Variants in NTRK1 observed in about 807,000 individuals in gnomAD.
NTRK1 encodes the protein high affinity nerve growth factor receptor.
NTRK1 carries 62 observed loss-of-function variants against 86.8 expected under a neutral mutation model. The observed-to-expected ratio is 0.71, with a 90% confidence interval of 0.58 to 0.88. NTRK1 has a LOEUF of 0.88. NTRK1 is among the 40% of genes least tolerant of loss of function. NTRK1 has a pLI of 0.00. For synonymous variants in NTRK1, 469 were observed against 456.6 expected, an observed-to-expected ratio of 1.03 and a Z score of -0.35; for missense variants, 967 against 1,078.4, an observed-to-expected ratio of 0.90 and a Z score of 1.45.
chr1:156,857,157 CTGTGTATGTG>C (rs1426649877), upstream of NTRK1, among the ~76,000 whole-genome samples: 196 of 121,382 alleles, frequency 1.6e-3, no homozygotes, highest in African/African-American at 3.1e-3. Flanking sequence ...TGCCCAGCAG[CTGTGTATGTG>C]TGTGTGTGTG....
Position 156,881,738 on chromosome 1 carries a change from G to A in NTRK1, c.*96G>A, listed in dbSNP as rs886045374. On this transcript the variant is annotated 3_prime_UTR_variant, in exon 17 of 17. Transcript: ENST00000524377. ...CCAGCAGCCCCAGGGTGATCTCAAA[G>A]TATCTAATTCACCCTCAGCATGTGG... The A allele has an allele frequency of 3.8e-5, 48 of 1,261,850 alleles. No homozygotes were observed. The highest frequency in any genetic ancestry group is 4.8e-5 in the Non-Finnish European group (45 of 929,954). 78.2% of individuals were successfully genotyped at this position (1,261,850 alleles called of 1,614,324 possible).
At chr1:156,862,514 G>A (rs1445352187) in intron 1 of NTRK1, among the ~76,000 whole-genome samples, 1 of 152,154 alleles carries the variant, frequency 6.6e-6, no homozygotes, top group Non-Finnish European at 1.5e-5. Flanking sequence ...GAGTGGACAG[G>A]CCAGAACTGG....
At chr1:156,852,102 G>T (rs1303612751) in intron 2 of NTRK1, 1 of 1,613,626 alleles carries the variant, frequency 6.2e-7, no homozygotes, top group Non-Finnish European at 8.5e-7. Context: ...CAGGCACGAG[G>T]GTCTTCTGGC....
At chr1:156,877,801 G>A (rs985711207) in intron 14 of NTRK1, among the ~76,000 whole-genome samples, 6 of 152,200 alleles carry the variant, frequency 3.9e-5, no homozygotes, top group Admixed American at 6.5e-5. Flanking sequence ...GGTCATTCAT[G>A]CAGTCAGGCT....
Position 156,849,502 on chromosome 1 carries a change from G to A in NTRK1, c.50+7309G>A, listed in dbSNP as rs1445605370. On this transcript the variant is annotated intron_variant, in intron 2 of 16. Transcript: ENST00000392302. Reference sequence around the variant, plus strand: ...GACCTTGCTCTGCGGGGAGGTGGGGGCAGGGGGTGGGAAAGGGGATGGCTT... The same window carrying A: ...GACCTTGCTCTGCGGGGAGGTGGGGACAGGGGGTGGGAAAGGGGATGGCTT... 7 of 934,008 alleles carry A rather than the reference G, an allele frequency of 7.5e-6. No individual in the cohort carries two copies. The African/African-American group carries it at 1.2e-4, about 16-fold the overall frequency. 57.9% of individuals were successfully genotyped at this position (934,008 alleles called of 1,614,324 possible).
upstream of NTRK1, chr1:156,858,959 C>T (rs1168703774): frequency 3.5e-6 from 1 of 287,906 alleles, no homozygotes; most frequent in African/African-American, 2.1e-5. Context: ...GCCGAGAGGC[C>T]AGCCAACCCT....
In NTRK1 at chr1:156,873,650, C is replaced by A. The variant is rs1302157222; in HGVS notation, c.868C>A (p.Leu290Met). The change falls in exon 8 of 17, where the codon CTG (leucine) becomes ATG (methionine). Residue 290 changes from leucine to methionine, a missense_variant. Leu to Met is a conservative substitution (Grantham distance 15, BLOSUM62 2). Around this residue, in one of 2 missense-constraint regions of NTRK1, gnomAD observed 637 missense variants for 776.5 expected, o/e 0.82. Transcript: ENST00000524377. ...GCCCACAGTCCCGGCCAGTGTGCAGCTGCACACGGCGGTGGAGATGCACCA... is the reference window on the plus strand; with the variant it reads ...GCCCACAGTCCCGGCCAGTGTGCAGATGCACACGGCGGTGGAGATGCACCA... ...VNVSFPASVQLHTAVEMHHWC... is the reference protein window; with the variant it reads ...VNVSFPASVQMHTAVEMHHWC... The A allele has an allele frequency of 3.7e-6, 6 of 1,611,014 alleles. No individual in the cohort carries two copies. In the African/African-American group the frequency reaches 8.0e-5, roughly 22 times the overall value.
intron 16 of NTRK1, 152 bp from the exon 17 acceptor site, chr1:156,881,305 G>A: frequency 2.9e-6 from 2 of 678,834 alleles, no homozygotes; most frequent in Non-Finnish European, 4.9e-6. Context: ...GAATCCTGGG[G>A]TTGACTGTGT....
chr1:156,881,489 G>C lies in NTRK1; in HGVS notation c.2238G>C (p.Leu746Phe). Residue 746 changes from leucine to phenylalanine, a missense_variant, in exon 17 of 17, where the codon TTG becomes TTC. Physicochemically the swap from Leu to Phe is conservative, Grantham distance 22. Around this residue, in one of 2 missense-constraint regions of NTRK1, gnomAD observed 637 missense variants for 776.5 expected, o/e 0.82. Transcript: ENST00000524377. ...AIDCITQGRE[L>F]ERPRACPPEV... ...ACTGCATCACGCAGGGACGTGAGTT[G>C]GAGCGGCCACGTGCCTGCCCACCAG... 6.3e-7 allele frequency: 1 copy of C among 1,586,166 alleles called. No homozygotes were observed. The highest frequency in any genetic ancestry group is 8.6e-7 in the Non-Finnish European group (1 of 1,166,300).
chr1:156,867,955 C>T, intron 4 of NTRK1, 149 bp from the exon 5 acceptor site: 3 of 875,722 alleles, frequency 3.4e-6, no homozygotes, highest in South Asian at 1.4e-5. Flanking sequence ...CTTTGAATAA[C>T]ATCCTGTTAC....
upstream of NTRK1, among the ~76,000 whole-genome samples, chr1:156,856,230 C>T (rs1234104151): frequency 6.6e-6 from 1 of 151,898 alleles, no homozygotes; most frequent in Non-Finnish European, 1.5e-5. Flanking sequence ...TTGTATAATT[C>T]ATGTTGTACC....
At chr1:156,852,177 G>A (rs1383334290) in intron 2 of NTRK1, 1 of 1,600,016 alleles carries the variant, frequency 6.2e-7, no homozygotes, top group South Asian at 1.1e-5. Flanking sequence ...GCCATCCCAT[G>A]GGGGCAGGGG....
intron 1 of NTRK1, among the ~76,000 whole-genome samples, chr1:156,821,485 GTGTGTGTGTA>G (rs1191547263): frequency 6.6e-6 from 1 of 151,580 alleles, no homozygotes; most frequent in Admixed American, 6.6e-5. Flanking sequence ...GTGTGTGTGT[GTGTGTGTGTA>G]TGTGTAGGGG....
At chr1:156,815,895 C>T (rs1287949868) in intron 1 of NTRK1, 1 of 1,613,250 alleles carries the variant, frequency 6.2e-7, no homozygotes, top group African/African-American at 1.3e-5. Flanking sequence ...AGACCCGGAT[C>T]ATTCCTGCCT....
At chr1:156,822,789 C>G (rs889115769) in intron 1 of NTRK1, among the ~76,000 whole-genome samples, 2 of 151,758 alleles carry the variant, frequency 1.3e-5, no homozygotes, top group African/African-American at 4.8e-5. Flanking sequence ...AGGTGTAGAT[C>G]CCTAGTTGCC....
chr1:156,835,299 AG>A (rs1362484208), intron 1 of NTRK1, among the ~76,000 whole-genome samples: 3 of 152,186 alleles, frequency 2.0e-5, no homozygotes, highest in Admixed American at 1.3e-4. Flanking sequence ...TAAAACATGG[AG>A]GAAAAAAATG....
chr1:156,856,993 C>G (rs1655426419), upstream of NTRK1, among the ~76,000 whole-genome samples: 1 of 152,192 alleles, frequency 6.6e-6, no homozygotes, highest in Non-Finnish European at 1.5e-5. Context: ...CCACCGAGCC[C>G]TCCGGTGTTA....
intron 5 of NTRK1, 116 bp downstream of exon 5, chr1:156,868,365 C>G (rs1480053407): frequency 6.5e-7 from 1 of 1,535,126 alleles, no homozygotes; most frequent in African/African-American, 1.4e-5. Context: ...CTGGCAAAGG[C>G]TGGGGGAAAC....
chr1:156,843,760 T>A (rs545530176), intron 2 of NTRK1, among the ~76,000 whole-genome samples: 2 of 152,340 alleles, frequency 1.3e-5, no homozygotes, highest in African/African-American at 4.8e-5. Context: ...CCCATTTTCC[T>A]CTTGCAGTCA....
Sources: gnomAD v4.1 joint callset for allele counts (sites outside exome capture counted in the v4.1 genomes callset) on GRCh38, gnomAD v4.1.1 for gene constraint, gnomAD v4.1.1 regional missense constraint, MANE v1.5 for transcripts, NCBI Gene and HGNC (gene_info 2026-07-23, HGNC 2026-07-21) for gene names.